Variants in CNTLN observed in about 807,000 individuals in gnomAD.
CNTLN encodes the protein centlein, centrosomal protein.
In CNTLN, 212 loss-of-function variants were observed where a neutral mutation model predicts 180.0. The observed-to-expected ratio is 1.18, with a 90% CI of 1.05 to 1.32. CNTLN has a LOEUF of 1.32. Ranked by LOEUF, CNTLN falls within the 40% of genes most tolerant of loss-of-function variation. CNTLN has a pLI of 0.00. For missense variants in CNTLN, 2,095 were observed against 1,610.9 expected (o/e 1.30, Z -5.14); for synonymous variants, 722 against 563.1 (o/e 1.28, Z -3.99).
intron 25 of CNTLN, among the ~76,000 whole-genome samples, chr9:17,487,856 C>A (rs1157379775): frequency 6.6e-6 from 1 of 152,070 alleles, no homozygotes; most frequent in Non-Finnish European, 1.5e-5. Flanking sequence ...CAGGTGAGAG[C>A]CCTGCTTTTC....
In CNTLN at chr9:17,262,723, C is replaced by G. The variant is rs1423713505; in HGVS notation, c.850-11010C>G. On this transcript the variant is annotated intron_variant, in intron 5 of 25. Transcript: ENST00000380647. ...AAACCTTCACGATCTGCACATGTAT[C>G]TGAGAACTTAAAAAAAATAAAATAA... Among the ~76,000 whole-genome samples the G allele has an allele frequency of 2.6e-5, 4 of 151,486 alleles. No individual in the cohort carries two copies. In the South Asian group the frequency reaches 8.3e-4, roughly 31 times the overall value.
intron 13 of CNTLN, among the ~76,000 whole-genome samples, chr9:17,379,643 C>T (rs1197601885): frequency 6.6e-6 from 1 of 152,104 alleles, no homozygotes; most frequent in Non-Finnish European, 1.5e-5. Context: ...TTTTTAGTTG[C>T]TCCATATAGA....
intron 15 of CNTLN, among the ~76,000 whole-genome samples, chr9:17,395,469 A>G (rs1826447465): frequency 6.6e-6 from 1 of 152,158 alleles, no homozygotes; most frequent in Non-Finnish European, 1.5e-5. Flanking sequence ...TGACATACCA[A>G]CCTGGGAGGA....
At chr9:17,209,842 T>C (rs73416381) in intron 2 of CNTLN, among the ~76,000 whole-genome samples, 3,385 of 152,224 alleles carry the variant, frequency 0.022, 131 homozygotes, top group African/African-American at 0.077. Flanking sequence ...TTAAAACATA[T>C]TCATAGGCAA....
At chr9:17,162,107 C>T (rs1192771283) in intron 2 of CNTLN, among the ~76,000 whole-genome samples, 1 of 151,864 alleles carries the variant, frequency 6.6e-6, no homozygotes, top group African/African-American at 2.4e-5. Context: ...ACTTGTCTTT[C>T]TTTATTTCTT....
At chr9:17,228,374 T>G (rs961002902) in intron 3 of CNTLN, among the ~76,000 whole-genome samples, 3 of 152,072 alleles carry the variant, frequency 2.0e-5, no homozygotes, top group African/African-American at 4.8e-5. Context: ...TTATTTGCTT[T>G]GTAGGGACCC....
At chr9:17,417,691 C>T (rs1228852102) in intron 18 of CNTLN, among the ~76,000 whole-genome samples, 2 of 151,956 alleles carry the variant, frequency 1.3e-5, no homozygotes, top group East Asian at 3.9e-4. Flanking sequence ...ATAGTTACTT[C>T]TTGGGAGTTC....
intron 5 of CNTLN, among the ~76,000 whole-genome samples, chr9:17,241,266 T>C (rs1365393206): frequency 2.0e-5 from 3 of 152,196 alleles, no homozygotes; most frequent in African/African-American, 7.2e-5. Context: ...CTAGTTTCAT[T>C]CTTCTGCATA....
Position 17,457,513 on chromosome 9 carries a change from T to G in CNTLN, c.3115-11T>G, listed in dbSNP as rs1457226649. 1 of 1,291,724 alleles carries G rather than the reference T, an allele frequency of 7.7e-7. No individual in the cohort carries two copies. The highest frequency in any genetic ancestry group is 1.0e-6 in the Non-Finnish European group (1 of 1,002,366). 80.0% of individuals were successfully genotyped at this position (1,291,724 alleles called of 1,614,324 possible). On this transcript the variant is annotated splice_polypyrimidine_tract_variant and intron_variant, in intron 18 of 25. Transcript: ENST00000380647. ...ATATATTTATATTTATTTTCTTTTTTTAAAAAAAAGAAGCTAAATTTGGAT... is the reference window on the plus strand; with the variant it reads ...ATATATTTATATTTATTTTCTTTTTGTAAAAAAAAGAAGCTAAATTTGGAT...
chr9:17,314,944 T>C (rs550140428), intron 8 of CNTLN, among the ~76,000 whole-genome samples: 1 of 152,220 alleles, frequency 6.6e-6, no homozygotes, highest in Non-Finnish European at 1.5e-5. Flanking sequence ...GCAGTGAACT[T>C]AATAGACTAT....
intron 13 of CNTLN, among the ~76,000 whole-genome samples, chr9:17,378,414 C>T (rs989140021): frequency 2.6e-5 from 4 of 152,114 alleles, no homozygotes; most frequent in Non-Finnish European, 5.9e-5. Context: ...CTCCTGATCT[C>T]GTGATCCACA....
chr9:17,322,898 C>T (rs1385555511), intron 8 of CNTLN, among the ~76,000 whole-genome samples: 1 of 152,068 alleles, frequency 6.6e-6, no homozygotes, highest in Admixed American at 6.5e-5. Context: ...TAAAATAATA[C>T]AACACAAGCT....
At chr9:17,293,654 G>C (rs1416645048) in intron 6 of CNTLN, among the ~76,000 whole-genome samples, 8 of 152,206 alleles carry the variant, frequency 5.3e-5, no homozygotes, top group Admixed American at 5.2e-4. Context: ...TGGCAGACTG[G>C]AGCTGCAGTG....
chr9:17,424,052 T>G (rs1025174735), intron 18 of CNTLN, among the ~76,000 whole-genome samples: 4 of 152,194 alleles, frequency 2.6e-5, no homozygotes, highest in African/African-American at 9.6e-5. Flanking sequence ...AATTTGATGC[T>G]TCTGAGGGAA....
chr9:17,328,421 A>T (rs777983198), intron 8 of CNTLN, among the ~76,000 whole-genome samples: 1 of 152,198 alleles, frequency 6.6e-6, no homozygotes, highest in Non-Finnish European at 1.5e-5. Flanking sequence ...ACAGTGGGGC[A>T]CATTCTTCCC....
At chr9:17,523,691 T>G in the CNTLN span, among the ~76,000 whole-genome samples, 2 of 152,232 alleles carry the variant, frequency 1.3e-5, no homozygotes, top group South Asian at 2.1e-4. Flanking sequence ...ACTTCAGCCA[T>G]GTACAATCCT....
At chr9:17,237,264 CA>C (rs1563910182) in intron 5 of CNTLN, among the ~76,000 whole-genome samples, 1 of 128,378 alleles carries the variant, frequency 7.8e-6, no homozygotes, top group African/African-American at 3.8e-5. Flanking sequence ...TATTAAATTA[CA>C]TTTTTTTTTA....
At chr9:17,366,763 G>A (rs186793255) in intron 13 of CNTLN, 46 bp downstream of exon 13, 3 of 1,048,744 alleles carry the variant, frequency 2.9e-6, no homozygotes, top group East Asian at 5.1e-5. Flanking sequence ...TTTTAAAATT[G>A]TGTAATTCTT....
intron 2 of CNTLN, among the ~76,000 whole-genome samples, chr9:17,189,073 GTT>G (rs1175101171): frequency 1.5e-4 from 10 of 68,898 alleles, no homozygotes; most frequent in African/African-American, 3.3e-4. Flanking sequence ...TTGGGACTTA[GTT>G]TTTTTTTTTT....
Sources: gnomAD v4.1 joint callset for allele counts (sites outside exome capture counted in the v4.1 genomes callset) on GRCh38, gnomAD v4.1.1 for gene constraint, MANE v1.5 for transcripts, NCBI Gene and HGNC (gene_info 2026-07-23, HGNC 2026-07-21) for gene names.